Variants in ENO4 observed in about 807,000 individuals in gnomAD.
ENO4 encodes enolase 4, also known as 2-phospho-D-glycerate hydro-lyase.
A neutral mutation model predicts 63.2 loss-of-function variants in ENO4; 53 were observed. The ratio of observed to expected loss-of-function variants is 0.84; its 90% CI spans 0.67 to 1.05. ENO4 has a LOEUF of 1.05. Among genes scored for constraint, ENO4 ranks in the 50% least tolerant of loss-of-function variants. ENO4 has a pLI of 0.00. For synonymous variants in ENO4, 266 were observed against 283.8 expected, an observed-to-expected ratio of 0.94 and a Z score of 0.63; for missense variants, 719 against 772.0, an observed-to-expected ratio of 0.93 and a Z score of 0.81.
intron 10 of ENO4, among the ~76,000 whole-genome samples, chr10:116,892,832 TACTCC>T (rs1174084054): frequency 1.3e-5 from 2 of 152,208 alleles, no homozygotes; most frequent in South Asian, 4.1e-4. Context: ...ACCTCCCCTC[TACTCC>T]ACTATACACA....
chr10:116,855,168 C>T (rs1846226836), intron 1 of ENO4, among the ~76,000 whole-genome samples: 2 of 151,956 alleles, frequency 1.3e-5, no homozygotes, highest in South Asian at 4.2e-4. Flanking sequence ...TGGCGCACGC[C>T]TGTAGTCCCT....
chr10:116,880,210 A>AG (rs1449028805), intron 13 of ENO4, among the ~76,000 whole-genome samples: 1 of 152,168 alleles, frequency 6.6e-6, no homozygotes, highest in Non-Finnish European at 1.5e-5. Flanking sequence ...CTTGATGAAT[A>AG]GGCTGCACGA....
intron 10 of ENO4, among the ~76,000 whole-genome samples, chr10:116,875,334 G>A (rs1846798690): frequency 6.6e-6 from 1 of 151,902 alleles, no homozygotes; most frequent in South Asian, 2.1e-4. Flanking sequence ...GCCCTGCGAT[G>A]ACTGTCCTGA....
chr10:116,858,263 T>C (rs1846322748), intron 3 of ENO4, among the ~76,000 whole-genome samples: 2 of 152,206 alleles, frequency 1.3e-5, no homozygotes, highest in Non-Finnish European at 2.9e-5. Context: ...AGAAAGGGTA[T>C]ATGGGATGTA....
chr10:116,910,633 G>A (rs748285716), intron 10 of ENO4, among the ~76,000 whole-genome samples: 1 of 152,146 alleles, frequency 6.6e-6, no homozygotes, highest in African/African-American at 2.4e-5. Flanking sequence ...CTCTTTCACT[G>A]TTGGCCAGAA....
intron 7 of ENO4, among the ~76,000 whole-genome samples, chr10:116,865,084 C>G (rs978083047): frequency 2.6e-5 from 4 of 152,100 alleles, no homozygotes; most frequent in African/African-American, 9.7e-5. Flanking sequence ...AAATTATGCA[C>G]AAATCATTCT....
chr10:116,871,629 A>G (rs1039335661), intron 9 of ENO4, among the ~76,000 whole-genome samples: 2 of 152,240 alleles, frequency 1.3e-5, no homozygotes, highest in African/African-American at 4.8e-5. Flanking sequence ...GAATTTGTCG[A>G]ACCTAAAAAG....
At chr10:116,870,448 C>T (rs1846656508) in intron 8 of ENO4, among the ~76,000 whole-genome samples, 1 of 152,110 alleles carries the variant, frequency 6.6e-6, no homozygotes, top group African/African-American at 2.4e-5. Flanking sequence ...CAAGACCAGC[C>T]TGGGCAACAC....
intron 10 of ENO4, among the ~76,000 whole-genome samples, chr10:116,887,814 A>G (rs1847213823): frequency 6.6e-6 from 1 of 152,314 alleles, no homozygotes; most frequent in African/African-American, 2.4e-5. Flanking sequence ...AAATACTAAT[A>G]AACTGAAGGG....
At chr10:116,909,298 ACTAAT>A (rs1221673048) in intron 10 of ENO4, among the ~76,000 whole-genome samples, 1 of 152,156 alleles carries the variant, frequency 6.6e-6, no homozygotes. Flanking sequence ...CATAATACTA[ACTAAT>A]CTAATTGTCA....
intron 9 of ENO4, among the ~76,000 whole-genome samples, chr10:116,872,008 C>A (rs1462915868): frequency 6.6e-6 from 1 of 152,150 alleles, no homozygotes; most frequent in East Asian, 1.9e-4. Flanking sequence ...ACCAGCCTGG[C>A]CAACATGGTG....
chr10:116,879,165 G>T, intron 11 of ENO4, 126 bp from the exon 12 acceptor site: 2 of 631,600 alleles, frequency 3.2e-6, no homozygotes, highest in Non-Finnish European at 5.4e-6. Flanking sequence ...AGAATCCTAG[G>T]TAGGCAAATA....
chr10:116,901,824 A>G, intron 10 of ENO4: 1 of 1,601,258 alleles, frequency 6.2e-7, no homozygotes, highest in Non-Finnish European at 8.5e-7. Context: ...CACCTGGCTC[A>G]GGTGTTGGGG....
downstream of ENO4, chr10:116,884,120 G>A (rs1177597166): frequency 7.1e-6 from 3 of 424,344 alleles, no homozygotes; most frequent in Non-Finnish European, 1.5e-5. Context: ...AAAACATAAA[G>A]ATGCAGTCTT....
chr10:116,863,873 G>A (rs1482979466), intron 7 of ENO4, among the ~76,000 whole-genome samples: 1 of 152,132 alleles, frequency 6.6e-6, no homozygotes, highest in East Asian at 1.9e-4. Flanking sequence ...TTCTTTTCTG[G>A]GTGACCAGCC....
chr10:116,865,297 C>T (rs1846521898), intron 7 of ENO4, among the ~76,000 whole-genome samples: 1 of 152,116 alleles, frequency 6.6e-6, no homozygotes, highest in South Asian at 2.1e-4. Flanking sequence ...AAGCGATTCT[C>T]CTGCCTCAGC....
At chr10:116,911,708 A>C in exon 11 of ENO4, 1 of 1,580,086 alleles carries the variant, frequency 6.3e-7, no homozygotes, top group Non-Finnish European at 8.7e-7. Flanking sequence ...ACACACCACA[A>C]ACAATTCACA....
At chr10:116,868,975 C>T (rs1447542886) in intron 8 of ENO4, among the ~76,000 whole-genome samples, 1 of 152,170 alleles carries the variant, frequency 6.6e-6, no homozygotes, top group Non-Finnish European at 1.5e-5. Context: ...CGTAGGGTTA[C>T]ACTGGACCCT....
At chr10:116,851,737 A>G (rs1261885618) in intron 1 of ENO4, among the ~76,000 whole-genome samples, 1 of 152,022 alleles carries the variant, frequency 6.6e-6, no homozygotes, top group Non-Finnish European at 1.5e-5. Context: ...CTCTGGTAAC[A>G]GGCGCATCTC....
Sources: allele counts gnomAD v4.1 joint callset (sites outside exome capture counted in the v4.1 genomes callset), GRCh38; gene constraint gnomAD v4.1.1; transcripts MANE v1.5; gene names NCBI Gene and HGNC (gene_info 2026-07-23, HGNC 2026-07-21).